The following SLC6A13 variants were observed in gnomAD, a reference collection of about 807,000 sequenced individuals.
SLC6A13 encodes the protein sodium- and chloride-dependent GABA transporter 2.
In SLC6A13, 69 loss-of-function variants were observed where a neutral mutation model predicts 72.9. The ratio of observed to expected loss-of-function variants is 0.95; its 90% CI spans 0.78 to 1.16. The LOEUF (loss-of-function observed/expected upper bound fraction) is 1.16, where lower values mean the gene tolerates loss of function less well. Among genes scored for constraint, SLC6A13 ranks in the 50% most tolerant of loss-of-function variants. The probability of loss-of-function intolerance (pLI) is 0.00; values close to 1 mark genes in which losing one functional copy is unlikely to be tolerated. For synonymous variants in SLC6A13, 303 were observed against 303.0 expected (o/e 1.00, Z 0.00); for missense variants, 735 against 760.5 (o/e 0.97, Z 0.39).
intron 6 of SLC6A13, among the ~76,000 whole-genome samples, chr12:236,147 C>T (rs1941922710): frequency 6.6e-6 from 1 of 152,072 alleles, no homozygotes; most frequent in Admixed American, 6.6e-5. Flanking sequence ...CTGCTTTTGC[C>T]CTTTGTCCTG....
chr12:250,851 A>AAAAAC (rs1312714228), intron 2 of SLC6A13, among the ~76,000 whole-genome samples: 3 of 150,806 alleles, frequency 2.0e-5, no homozygotes, highest in Non-Finnish European at 3.0e-5. Flanking sequence ...AAAAAAAAAA[A>AAAAAC]ACCTAAAAAC....
At chr12:233,268 A>C (rs1294942007) in intron 7 of SLC6A13, among the ~76,000 whole-genome samples, 1 of 151,876 alleles carries the variant, frequency 6.6e-6, no homozygotes, top group Non-Finnish European at 1.5e-5. Flanking sequence ...TTACCCACGC[A>C]CCCCTCCGGC....
chr12:238,067 A>C, intron 4 of SLC6A13, 57 bp from the exon 5 acceptor site: 1 of 1,585,668 alleles, frequency 6.3e-7, no homozygotes, highest in East Asian at 2.2e-5. Flanking sequence ...AGCCTATGAC[A>C]CAACTGGAGA....
intron 7 of SLC6A13, among the ~76,000 whole-genome samples, chr12:234,231 A>C (rs1330078653): frequency 2.0e-5 from 3 of 152,212 alleles, no homozygotes; most frequent in Non-Finnish European, 4.4e-5. Context: ...ATGCATTAGC[A>C]TGCTGAAAGA....
In SLC6A13 at chr12:220,867, C is replaced by G; in HGVS notation, c.*81G>C. 1.3e-6 allele frequency: 2 copies of G among 1,565,380 alleles called. No homozygotes were observed. The highest frequency in any genetic ancestry group is 1.7e-6 in the Non-Finnish European group (2 of 1,154,012). ...CCACTCCAGGTCGGGGGCAGGGAAG[C>G]ACATGGGGCTGCTTCTGCCACGTTC... On this transcript the variant is annotated 3_prime_UTR_variant, in exon 15 of 15. Coordinates refer to ENST00000343164, the MANE Select transcript of SLC6A13 (RefSeq NM_016615.5).
intron 8 of SLC6A13, 58 bp from the exon 9 acceptor site, chr12:226,572 T>G: frequency 6.4e-7 from 1 of 1,561,206 alleles, no homozygotes; most frequent in East Asian, 2.3e-5. Context: ...GGCTGCAACC[T>G]CTCCTGCTTC....
chr12:235,000 G>C (rs1941868342), intron 7 of SLC6A13, 90 bp downstream of exon 7: 1 of 1,477,446 alleles, frequency 6.8e-7, no homozygotes, highest in Non-Finnish European at 9.4e-7. Context: ...GGTAGTGCTA[G>C]GTGCGGGGGT....
chr12:238,523 T>C (rs548687252), intron 4 of SLC6A13, among the ~76,000 whole-genome samples: 7 of 152,370 alleles, frequency 4.6e-5, no homozygotes, highest in African/African-American at 1.7e-4. Flanking sequence ...ATCCATTACG[T>C]AGGATTGATA....
chr12:251,169 A>C lies in SLC6A13; in HGVS notation c.203-7356T>G, dbSNP rs186773154. Among the ~76,000 whole-genome samples the C allele has an allele frequency of 2.8e-3, 429 of 152,070 alleles. 2 individuals carry two copies. The highest frequency in any genetic ancestry group is 8.0e-3 in the African/African-American group (330 of 41,412). On this transcript the variant is annotated intron_variant, in intron 2 of 14. Transcript: ENST00000343164. ...AGACTCTGTCTCAAAAAAAAACAAA[A>C]AAAAAAAACCTTTGAAAAAGAAGAA...
At chr12:262,036 A>G (rs1288716529) in intron 1 of SLC6A13, among the ~76,000 whole-genome samples, 4 of 152,268 alleles carry the variant, frequency 2.6e-5, no homozygotes, top group Middle Eastern at 6.9e-3. Flanking sequence ...ACTGGTCCCA[A>G]GAGGGCTCCT....
chr12:258,645 C>T (rs1942824575), intron 2 of SLC6A13, among the ~76,000 whole-genome samples: 1 of 152,178 alleles, frequency 6.6e-6, no homozygotes, highest in African/African-American at 2.4e-5. Flanking sequence ...CAGAACCCTC[C>T]AGTAGTTGGG....
At position 221,362 on chromosome 12, in the gene SLC6A13, C is replaced by G. The variant is rs553220753; in HGVS notation, c.1686+14G>C. 6.4e-7 allele frequency: 1 copy of G among 1,572,176 alleles called. No individual in the cohort carries two copies. The highest frequency in any genetic ancestry group is 2.3e-5 in the East Asian group (1 of 43,444). ...CAGCCCCTCTGGCTGCTTTCCTGCC[C>G]GCAAAGGCCCTACCTCTCTGAAGGG... On this transcript the variant is annotated intron_variant, in intron 14 of 14. Transcript: ENST00000343164.
Position 220,706 on chromosome 12 carries a change from C to T in SLC6A13, c.*242G>A, listed in dbSNP as rs1191765621. 1 of 467,242 alleles carries T rather than the reference C, an allele frequency of 2.1e-6. No homozygotes were observed. Among genetic ancestry groups the T allele is most frequent in the Non-Finnish European group, 3.8e-6 (1 of 261,558 alleles). 28.9% of individuals were successfully genotyped at this position (467,242 alleles called of 1,614,324 possible). On this transcript the variant is annotated 3_prime_UTR_variant, in exon 15 of 15. Transcript: ENST00000343164. ...TCTCGCCCCACCTACCAGCCCCCAC[C>T]CAGCTTCCCAAGGGTCTCAGAGGGA...
rs754822008 is a variant in SLC6A13, at chr12:242,632, A to T, written c.460T>A (p.Tyr154Asn). The T allele has an allele frequency of 6.2e-7, 1 of 1,613,926 alleles. No individual in the cohort carries two copies. The highest frequency in any genetic ancestry group is 1.1e-5 in the South Asian group (1 of 90,990). Residue 154 changes from tyrosine (Y) to asparagine (N), a missense_variant, in exon 4 of 15, where the codon TAC becomes AAC. By Grantham distance (143) the Tyr-to-Asn change is moderately radical (BLOSUM62 -2). Coordinates refer to ENST00000343164, the MANE Select transcript of SLC6A13 (RefSeq NM_016615.5). ...ACCATACCTGTGTTCCACTCATGGT[A>T]GCAGCCGCCCCAGGGCAGGTCGATG... ...FTIDLPWGGCYHEWNTEHCME... is the reference protein window; with the variant it reads ...FTIDLPWGGCNHEWNTEHCME...
intron 2 of SLC6A13, among the ~76,000 whole-genome samples, chr12:256,847 T>C (rs1591871799): frequency 1.3e-5 from 2 of 151,988 alleles, no homozygotes; most frequent in Non-Finnish European, 2.9e-5. Context: ...GCCAGTCGGG[T>C]ACGTTACTAA....
intron 4 of SLC6A13, chr12:238,313 T>G (rs1276157863): frequency 7.3e-7 from 1 of 1,378,194 alleles, no homozygotes; most frequent in Non-Finnish European, 9.6e-7. Flanking sequence ...TGCTAACATT[T>G]CTATGTAAGC....
intron 2 of SLC6A13, chr12:258,853 G>T: frequency 1.1e-6 from 1 of 911,266 alleles, no homozygotes; most frequent in Non-Finnish European, 1.3e-6. Context: ...CATTTGTGCT[G>T]CGAAATTTTT....
At position 261,026 on chromosome 12, in the gene SLC6A13, C is replaced by T. The variant is rs1173790115; in HGVS notation, c.-5-969G>A. On this transcript the variant is annotated intron_variant, in intron 1 of 14. Coordinates refer to ENST00000343164, the MANE Select transcript of SLC6A13 (RefSeq NM_016615.5). ...TCCTTCTATGTCTCTCTGAAATCAGCGTAAGGCAGAGATTTACTATGCGCT... is the reference window on the plus strand; with the variant it reads ...TCCTTCTATGTCTCTCTGAAATCAGTGTAAGGCAGAGATTTACTATGCGCT... 5.9e-5 allele frequency among the ~76,000 whole-genome samples: 9 copies of T among 152,270 alleles called. No homozygotes were observed. The South Asian group carries it at 1.5e-3, about 25-fold the overall frequency.
Position 254,471 on chromosome 12 carries a change from C to A in SLC6A13, c.202+5380G>T, listed in dbSNP as rs557967433. ...TCAATGACTTCCCAGCTGCTAAAAC[C>A]AACAATCAATTTCCTTTCCTCATCT... On this transcript the variant is annotated intron_variant, in intron 2 of 14. Coordinates refer to ENST00000343164, the MANE Select transcript of SLC6A13 (RefSeq NM_016615.5). This position sits in a 1 kb window ranked among gnomAD's most constrained non-coding sequence, Gnocchi z 4.4. Among the ~76,000 whole-genome samples, 3 of 152,322 alleles carry A rather than the reference C, an allele frequency of 2.0e-5. No individual in the cohort carries two copies. Among genetic ancestry groups the A allele is most frequent in the African/African-American group, 7.2e-5 (3 of 41,552 alleles).
Sources: gnomAD v4.1 joint callset for allele counts (sites outside exome capture counted in the v4.1 genomes callset) on GRCh38, gnomAD v4.1.1 for gene constraint, Gnocchi (gnomAD v3.1) non-coding constraint, MANE v1.5 for transcripts, NCBI Gene and HGNC (gene_info 2026-07-23, HGNC 2026-07-21) for gene names.